Variants in ARHGAP15 observed in about 807,000 individuals in gnomAD.
ARHGAP15 encodes the protein rho GTPase-activating protein 15.
Under a neutral mutation model 63.7 loss-of-function variants are expected in ARHGAP15, and 51 were observed. That is an observed-to-expected ratio of 0.80 (90% confidence interval 0.64 to 1.01). The LOEUF is 1.01. Among genes scored for constraint, ARHGAP15 ranks in the 50% least tolerant of loss-of-function variants. ARHGAP15 has a pLI of 0.00. For synonymous variants in ARHGAP15, 191 were observed against 193.8 expected (o/e 0.99, Z 0.12); for missense variants, 560 against 564.6 (o/e 0.99, Z 0.08).
intron 11 of ARHGAP15, among the ~76,000 whole-genome samples, chr2:143,581,765 A>G (rs1696917943): frequency 6.6e-6 from 1 of 152,194 alleles, no homozygotes; most frequent in Admixed American, 6.5e-5. Context: ...TTCTGTCGCT[A>G]TTCTCCGGCA....
chr2:143,456,845 T>A (rs372014110), intron 8 of ARHGAP15, among the ~76,000 whole-genome samples: 1 of 136,388 alleles, frequency 7.3e-6, no homozygotes, highest in Non-Finnish European at 1.6e-5. Flanking sequence ...GAAAGACAGA[T>A]TTGTGCAGAT....
rs1331395810 is a variant in ARHGAP15, at chr2:143,357,362, T to TG, written c.475-78239_475-78238insG. 2.6e-5 allele frequency among the ~76,000 whole-genome samples: 4 copies of TG among 152,136 alleles called. 1 individual carries two copies. The highest frequency in any genetic ancestry group is 5.9e-5 in the Non-Finnish European group (4 of 68,018). On this transcript the variant is annotated intron_variant, in intron 6 of 13. Transcript: ENST00000295095. The stretch of plus-strand genomic sequence containing the variant: ...TCTGCTATTTATGGAAATCTTTTTT[T>TG]TTTTAGGCACTTGACCTGAAGCAAA...
chr2:143,370,827 T>C (rs1416048991), intron 6 of ARHGAP15, among the ~76,000 whole-genome samples: 1 of 152,224 alleles, frequency 6.6e-6, no homozygotes, highest in Non-Finnish European at 1.5e-5. Context: ...ATTTACTTCT[T>C]TCTCTACTAT....
At chr2:143,272,270 G>A (rs532598828) in intron 6 of ARHGAP15, among the ~76,000 whole-genome samples, 2 of 152,208 alleles carry the variant, frequency 1.3e-5, no homozygotes, top group Admixed American at 6.5e-5. Context: ...GCTAACAAGG[G>A]CTTTCTTAAC....
intron 8 of ARHGAP15, among the ~76,000 whole-genome samples, chr2:143,450,607 G>A (rs192939988): frequency 6.6e-4 from 100 of 151,842 alleles, no homozygotes; most frequent in Non-Finnish European, 1.2e-3. Flanking sequence ...TTTTTACCTC[G>A]CAAGTAGAGA....
intron 11 of ARHGAP15, among the ~76,000 whole-genome samples, chr2:143,578,967 A>AT (rs1209680365): frequency 2.6e-5 from 4 of 152,076 alleles, no homozygotes; most frequent in Non-Finnish European, 5.9e-5. Flanking sequence ...CAAAGTTCTT[A>AT]TTTTTTCCAG....
intron 8 of ARHGAP15, among the ~76,000 whole-genome samples, chr2:143,484,971 A>C (rs1317941733): frequency 6.6e-6 from 1 of 152,212 alleles, no homozygotes; most frequent in Non-Finnish European, 1.5e-5. Flanking sequence ...TATACAGTAC[A>C]ACTGCCACAA....
intron 5 of ARHGAP15, among the ~76,000 whole-genome samples, chr2:143,244,766 G>A (rs1048493782): frequency 1.3e-5 from 2 of 152,168 alleles, no homozygotes; most frequent in Non-Finnish European, 2.9e-5. Context: ...AAAATACAGA[G>A]AATGAATTGC....
chr2:143,302,127 A>G (rs2105156222), intron 6 of ARHGAP15, among the ~76,000 whole-genome samples: 1 of 152,022 alleles, frequency 6.6e-6, no homozygotes, highest in African/African-American at 2.4e-5. Flanking sequence ...AATAGACGTA[A>G]CCTCTTTTAC....
intron 2 of ARHGAP15, among the ~76,000 whole-genome samples, chr2:143,200,223 T>G (rs1241274054): frequency 6.6e-6 from 1 of 152,116 alleles, no homozygotes; most frequent in African/African-American, 2.4e-5. Flanking sequence ...AGTCTGTTCC[T>G]TCTCAATTAT....
At chr2:143,432,132 T>A (rs754477463) in intron 6 of ARHGAP15, among the ~76,000 whole-genome samples, 1 of 152,126 alleles carries the variant, frequency 6.6e-6, no homozygotes, top group Non-Finnish European at 1.5e-5. Context: ...ATAATTTTGA[T>A]TCTTTATCTT....
At chr2:143,756,370 C>A (rs916668927) in intron 13 of ARHGAP15, among the ~76,000 whole-genome samples, 2 of 152,100 alleles carry the variant, frequency 1.3e-5, no homozygotes, top group Non-Finnish European at 2.9e-5. Flanking sequence ...ATATTACTAG[C>A]ACATACTAGT....
intron 13 of ARHGAP15, among the ~76,000 whole-genome samples, chr2:143,727,331 A>T (rs1259996624): frequency 1.3e-5 from 2 of 152,168 alleles, no homozygotes; most frequent in African/African-American, 4.8e-5. Flanking sequence ...AGTTTTATAG[A>T]TACAGTCAAT....
intron 10 of ARHGAP15, among the ~76,000 whole-genome samples, chr2:143,552,832 C>T (rs779666806): frequency 1.3e-5 from 2 of 152,108 alleles, no homozygotes; most frequent in Admixed American, 6.6e-5. Context: ...TCAGCATTTA[C>T]GGTCATGTTA....
At chr2:143,680,203 A>G (rs1444788566) in intron 12 of ARHGAP15, among the ~76,000 whole-genome samples, 5 of 152,178 alleles carry the variant, frequency 3.3e-5, no homozygotes, top group African/African-American at 1.2e-4. Context: ...AATCCACACA[A>G]TATTTTTCTC....
At chr2:143,317,973 A>G (rs752684406) in intron 6 of ARHGAP15, among the ~76,000 whole-genome samples, 10 of 151,886 alleles carry the variant, frequency 6.6e-5, no homozygotes, top group Non-Finnish European at 1.2e-4. Context: ...CTTCATCACT[A>G]TTATGGCACA....
chr2:143,450,584 T>A (rs570127926), intron 8 of ARHGAP15, among the ~76,000 whole-genome samples: 1 of 151,988 alleles, frequency 6.6e-6, no homozygotes, highest in Non-Finnish European at 1.5e-5. Flanking sequence ...TAACACAGTT[T>A]GGGAGTATAT....
At chr2:143,348,299 T>C (rs1558911287) in intron 6 of ARHGAP15, among the ~76,000 whole-genome samples, 2 of 152,196 alleles carry the variant, frequency 1.3e-5, no homozygotes, top group South Asian at 2.1e-4. Flanking sequence ...GAGTAAGTTA[T>C]GTAAATTCTG....
At chr2:143,764,805 C>T (rs186718680) in intron 13 of ARHGAP15, among the ~76,000 whole-genome samples, 2 of 152,202 alleles carry the variant, frequency 1.3e-5, no homozygotes, top group Non-Finnish European at 2.9e-5. Context: ...ATAGGTAACT[C>T]TATCTTCAAT....
Sources: gnomAD v4.1 joint callset for allele counts (sites outside exome capture counted in the v4.1 genomes callset) on GRCh38, gnomAD v4.1.1 for gene constraint, MANE v1.5 for transcripts, NCBI Gene and HGNC (gene_info 2026-07-23, HGNC 2026-07-21) for gene names.